Variants in OTUD7A observed in about 807,000 individuals in gnomAD.
OTUD7A encodes the protein OTU domain-containing protein 7A.
Under a neutral mutation model 65.7 loss-of-function variants are expected in OTUD7A, and 12 were observed. That is an observed-to-expected ratio of 0.18 (90% CI 0.12 to 0.30). The LOEUF is 0.30. Among genes scored for constraint, OTUD7A ranks in the 10% least tolerant of loss-of-function variants. OTUD7A has a pLI of 1.00. For synonymous variants in OTUD7A, 641 were observed against 586.3 expected (o/e 1.09, Z -1.35); for missense variants, 1,148 against 1,304.8 (o/e 0.88, Z 1.85).
intron 1 of OTUD7A, among the ~76,000 whole-genome samples, chr15:31,804,461 T>C (rs1310569119): frequency 1.3e-5 from 2 of 152,030 alleles, no homozygotes; most frequent in African/African-American, 4.8e-5. Context: ...GACCAACCCC[T>C]CCCGAGGGAC....
In OTUD7A at chr15:31,766,980, A is replaced by G; in HGVS notation, c.-100+103527T>C. On this transcript the variant is annotated intron_variant, in intron 1 of 12. Transcript: ENST00000307050. ...GCATACTACTTAACCCTATTAAATT[A>G]TGACAACTTCCTCCCATTATGTCAT... 8 of 1,612,006 alleles carry G rather than the reference A, an allele frequency of 5.0e-6. No homozygotes were observed. In the Middle Eastern group the frequency reaches 1.2e-3, roughly 233 times the overall value.
chr15:31,703,462 A>G (rs1446486025), intron 1 of OTUD7A, among the ~76,000 whole-genome samples: 1 of 152,004 alleles, frequency 6.6e-6, no homozygotes, highest in African/African-American at 2.4e-5. Flanking sequence ...ATGACAAATA[A>G]GCACATAAAA....
intron 3 of OTUD7A, among the ~76,000 whole-genome samples, chr15:31,612,049 T>C (rs1890440398): frequency 6.6e-6 from 1 of 152,024 alleles, no homozygotes; most frequent in Non-Finnish European, 1.5e-5. Context: ...AAAACAAAAA[T>C]CATGTGATCA....
chr15:31,506,891 ATATAGTT>A (rs1382035493), intron 8 of OTUD7A, among the ~76,000 whole-genome samples: 6 of 152,192 alleles, frequency 3.9e-5, no homozygotes, highest in Non-Finnish European at 8.8e-5. Context: ...AAGAGCTACT[ATATAGTT>A]TATATTTGGT....
chr15:31,750,974 T>C (rs888592276), intron 1 of OTUD7A, among the ~76,000 whole-genome samples: 2 of 152,114 alleles, frequency 1.3e-5, no homozygotes, highest in African/African-American at 4.8e-5. Context: ...ATAAAAATCC[T>C]AGAAGAAAAC....
chr15:31,685,039 G>A (rs1198218472), intron 1 of OTUD7A, among the ~76,000 whole-genome samples: 2 of 151,930 alleles, frequency 1.3e-5, no homozygotes, highest in Non-Finnish European at 2.9e-5. Flanking sequence ...TGGAAACGTT[G>A]ATTCCAAACT....
chr15:31,853,438 C>A (rs1897481401), intron 1 of OTUD7A, among the ~76,000 whole-genome samples: 1 of 152,332 alleles, frequency 6.6e-6, no homozygotes, highest in African/African-American at 2.4e-5. Flanking sequence ...CAACCACAAG[C>A]CACAAACTAC....
intron 1 of OTUD7A, among the ~76,000 whole-genome samples, chr15:31,708,659 A>G (rs1893361840): frequency 6.6e-6 from 1 of 152,024 alleles, no homozygotes; most frequent in Non-Finnish European, 1.5e-5. Context: ...CTCCTTAGCA[A>G]GAATATCCTC....
intron 1 of OTUD7A, among the ~76,000 whole-genome samples, chr15:31,803,746 C>T (rs1896195043): frequency 6.6e-6 from 1 of 152,184 alleles, no homozygotes; most frequent in South Asian, 2.1e-4. Flanking sequence ...CCACTGTGAC[C>T]ATCTGAGAGC....
chr15:31,511,050 C>G lies in OTUD7A; in HGVS notation c.894-7232G>C, dbSNP rs1325300035. Among the ~76,000 whole-genome samples the G allele has an allele frequency of 4.7e-5, 4 of 85,676 alleles. 1 individual carries two copies. The highest frequency in any genetic ancestry group is 8.3e-5 in the Non-Finnish European group (4 of 48,072). The allele number at this position is 85,676 out of a possible 152,430, so 56.2% of individuals were successfully genotyped here. A position where few individuals can be genotyped will look rare whatever the true frequency, so the allele number is the denominator to read the frequency against. ...ATCTATATGTAACATACATGTATAT[C>G]TATATGTAACATACATATATATGTA... is the stretch of plus-strand genomic sequence containing the variant. On this transcript the variant is annotated intron_variant, in intron 8 of 12. Coordinates refer to ENST00000307050, the MANE Select transcript of OTUD7A (RefSeq NM_001382637.1).
At chr15:31,693,370 C>T (rs1229300905) in intron 1 of OTUD7A, among the ~76,000 whole-genome samples, 3 of 152,050 alleles carry the variant, frequency 2.0e-5, no homozygotes, top group Non-Finnish European at 2.9e-5. Flanking sequence ...AAGAAAATAG[C>T]CATTGGGTAA....
intron 1 of OTUD7A, among the ~76,000 whole-genome samples, chr15:31,836,730 C>T (rs2140989189): frequency 1.3e-5 from 2 of 152,242 alleles, no homozygotes; most frequent in East Asian, 3.9e-4. Context: ...TATTAACAGG[C>T]TAAATCTAAA....
At chr15:31,645,425 A>G (rs1435371158) in intron 3 of OTUD7A, among the ~76,000 whole-genome samples, 3 of 152,084 alleles carry the variant, frequency 2.0e-5, no homozygotes, top group African/African-American at 7.2e-5. Context: ...CTTATAATAA[A>G]CCTGTTTGCA....
At chr15:31,829,853 A>G (rs149225890) in intron 1 of OTUD7A, among the ~76,000 whole-genome samples, 1 of 152,342 alleles carries the variant, frequency 6.6e-6, no homozygotes, top group East Asian at 1.9e-4. Flanking sequence ...TTAACCTAAG[A>G]GTTGGAAACA....
chr15:31,607,906 G>C (rs775375097), intron 3 of OTUD7A, among the ~76,000 whole-genome samples: 1 of 152,212 alleles, frequency 6.6e-6, no homozygotes, highest in Non-Finnish European at 1.5e-5. Context: ...TCATCATTAA[G>C]TGATGCATGA....
chr15:31,538,073 C>T (rs573571052), intron 5 of OTUD7A, among the ~76,000 whole-genome samples: 2 of 152,352 alleles, frequency 1.3e-5, no homozygotes, highest in African/African-American at 4.8e-5. Context: ...ACTCCCCTTG[C>T]CATGGACTGC....
intron 1 of OTUD7A, among the ~76,000 whole-genome samples, chr15:31,713,517 G>A (rs567302804): frequency 1.3e-5 from 2 of 152,244 alleles, no homozygotes; most frequent in Admixed American, 6.5e-5. Flanking sequence ...TACTCGGGAG[G>A]CTGAGGCAGA....
intron 3 of OTUD7A, among the ~76,000 whole-genome samples, chr15:31,635,216 C>CT (rs1891302991): frequency 6.6e-6 from 1 of 152,144 alleles, no homozygotes; most frequent in Admixed American, 6.5e-5. Flanking sequence ...AAAGACTCTC[C>CT]TTTGTTTTGA....
chr15:31,768,788 G>C (rs773391410), intron 1 of OTUD7A, among the ~76,000 whole-genome samples: 2 of 152,118 alleles, frequency 1.3e-5, no homozygotes, highest in Non-Finnish European at 2.9e-5. Context: ...ATTCCATATT[G>C]AATAGTTAAA....
Sources: allele counts gnomAD v4.1 joint callset (sites outside exome capture counted in the v4.1 genomes callset), GRCh38; gene constraint gnomAD v4.1.1; transcripts MANE v1.5; gene names NCBI Gene and HGNC (gene_info 2026-07-23, HGNC 2026-07-21).